ZFHX3: variants seen among roughly 807,000 people sequenced by gnomAD.
The protein encoded by ZFHX3 is zinc finger homeobox 3.
A neutral mutation model predicts 279.1 loss-of-function variants in ZFHX3; 42 were observed. The observed-to-expected ratio is 0.15, with a 90% confidence interval of 0.12 to 0.19. ZFHX3 has a LOEUF of 0.19. ZFHX3 is among the 10% of genes least tolerant of loss of function. The pLI, the probability that ZFHX3 is intolerant of heterozygous loss-of-function variation, is 1.00. For missense variants in ZFHX3, 4,981 were observed against 4,754.0 expected (o/e 1.05, Z -1.40); for synonymous variants, 2,293 against 1,957.8 (o/e 1.17, Z -4.52).
At chr16:73,856,846 C>A (rs1211677454) in intron 1 of ZFHX3, among the ~76,000 whole-genome samples, 3 of 152,284 alleles carry the variant, frequency 2.0e-5, no homozygotes, top group Non-Finnish European at 2.9e-5. Flanking sequence ...AGAACAAACC[C>A]AGAAACTGTA....
chr16:73,297,557 A>G (rs1014922924), intron 4 of ZFHX3, among the ~76,000 whole-genome samples: 1 of 152,040 alleles, frequency 6.6e-6, no homozygotes, highest in Non-Finnish European at 1.5e-5. Context: ...TAAAGGTAGA[A>G]GTAAGCCAAA....
At chr16:73,152,810 GA>G (rs1315452311) in intron 5 of ZFHX3, among the ~76,000 whole-genome samples, 1 of 141,380 alleles carries the variant, frequency 7.1e-6, no homozygotes, top group African/African-American at 2.6e-5. Context: ...GAGGAGGGGA[GA>G]GAAGGGGGCT....
At chr16:73,559,140 G>A (rs754883315) in intron 2 of ZFHX3, among the ~76,000 whole-genome samples, 4 of 150,918 alleles carry the variant, frequency 2.7e-5, no homozygotes, top group Admixed American at 6.6e-5. Flanking sequence ...TTTGAACTCC[G>A]GGGCTCAAGC....
chr16:73,679,497 C>G (rs899297318), intron 2 of ZFHX3: 1 of 152,068 alleles, frequency 6.6e-6, no homozygotes, highest in African/African-American at 2.4e-5. Context: ...ACTTGACATT[C>G]AAACTCTTCT....
At chr16:73,836,837 G>C (rs1005281009) in intron 1 of ZFHX3, among the ~76,000 whole-genome samples, 1 of 152,174 alleles carries the variant, frequency 6.6e-6, no homozygotes, top group African/African-American at 2.4e-5. Context: ...TAGGACACTG[G>C]GTTAGTTCTT....
At chr16:73,413,017 G>C (rs1221321352) in intron 3 of ZFHX3, among the ~76,000 whole-genome samples, 3 of 152,220 alleles carry the variant, frequency 2.0e-5, no homozygotes, top group African/African-American at 7.2e-5. Context: ...AAAATGTATA[G>C]AAAGCTGCCT....
At chr16:72,803,580 A>G (rs1222216800) in intron 7 of ZFHX3, among the ~76,000 whole-genome samples, 2 of 152,172 alleles carry the variant, frequency 1.3e-5, no homozygotes, top group Non-Finnish European at 2.9e-5. Context: ...CAATCCTACA[A>G]TGTCCATACT....
intron 2 of ZFHX3, among the ~76,000 whole-genome samples, chr16:73,532,208 A>G (rs549035145): frequency 5.3e-5 from 8 of 151,832 alleles, no homozygotes; most frequent in Admixed American, 1.3e-4. Flanking sequence ...TATGGGAGGG[A>G]CCCCAGGGGG....
chr16:72,995,068 T>C (rs1963234083), intron 1 of ZFHX3, among the ~76,000 whole-genome samples: 1 of 152,124 alleles, frequency 6.6e-6, no homozygotes, highest in Admixed American at 6.5e-5. Flanking sequence ...TGCACTCCAA[T>C]CACCAAAAAT....
chr16:73,112,951 C>A (rs560001154), intron 7 of ZFHX3, among the ~76,000 whole-genome samples: 1 of 151,984 alleles, frequency 6.6e-6, no homozygotes, highest in Non-Finnish European at 1.5e-5. Context: ...GACCCAGCAC[C>A]CACAGCAGCC....
At chr16:73,653,911 A>G (rs1329764023) in intron 2 of ZFHX3, among the ~76,000 whole-genome samples, 1 of 152,178 alleles carries the variant, frequency 6.6e-6, no homozygotes, top group Admixed American at 6.6e-5. Flanking sequence ...AGGGCCGGGC[A>G]CGGTGGCTCA....
intron 1 of ZFHX3, among the ~76,000 whole-genome samples, chr16:73,750,307 C>T (rs1044586471): frequency 6.6e-6 from 1 of 152,176 alleles, no homozygotes; most frequent in Non-Finnish European, 1.5e-5. Context: ...AGAAGCGGGT[C>T]TGGAGTGTAC....
chr16:72,856,964 A>G (rs980357374), intron 4 of ZFHX3, among the ~76,000 whole-genome samples: 3 of 152,200 alleles, frequency 2.0e-5, no homozygotes, highest in African/African-American at 7.2e-5. Context: ...GGCAGCCAGT[A>G]AGGAGAACTC....
intron 1 of ZFHX3, among the ~76,000 whole-genome samples, chr16:72,975,032 T>C (rs574511422): frequency 6.6e-6 from 1 of 152,272 alleles, no homozygotes; most frequent in South Asian, 2.1e-4. Context: ...TAGGGTAAAG[T>C]GAACCGGCAG....
chr16:73,041,947 G>A (rs146776229), intron 1 of ZFHX3, among the ~76,000 whole-genome samples: 1 of 152,268 alleles, frequency 6.6e-6, no homozygotes, highest in African/African-American at 2.4e-5. Flanking sequence ...AAGAGAAGTT[G>A]GGAGATGGAG....
chr16:73,193,478 CA>C (rs1014580868), intron 5 of ZFHX3, among the ~76,000 whole-genome samples: 9 of 152,186 alleles, frequency 5.9e-5, no homozygotes, highest in African/African-American at 2.2e-4. Flanking sequence ...TTTTCCCTGG[CA>C]CCAAGGAACA....
intron 3 of ZFHX3, among the ~76,000 whole-genome samples, chr16:73,446,591 C>A (rs7206797): frequency 0.55 from 83,750 of 151,894 alleles, 24,609 homozygotes; most frequent in Non-Finnish European, 0.68. Context: ...GAATACAGAG[C>A]CAGACCATAT....
intron 8 of ZFHX3, among the ~76,000 whole-genome samples, chr16:73,069,518 G>C (rs1412369192): frequency 5.3e-5 from 8 of 152,212 alleles, no homozygotes; most frequent in Non-Finnish European, 1.5e-5. Flanking sequence ...GATCAGGGAA[G>C]ATTAAGCAAA....
intron 1 of ZFHX3, among the ~76,000 whole-genome samples, chr16:73,848,688 CA>C (rs1961514045): frequency 6.6e-6 from 1 of 152,224 alleles, no homozygotes; most frequent in Non-Finnish European, 1.5e-5. Context: ...ATCACCTCCT[CA>C]ATGCATTCAT....
Sources: allele counts gnomAD v4.1 joint callset (sites outside exome capture counted in the v4.1 genomes callset), GRCh38; gene constraint gnomAD v4.1.1; transcripts MANE v1.5; gene names NCBI Gene and HGNC (gene_info 2026-07-23, HGNC 2026-07-21).